CHST8: variants seen among roughly 807,000 people sequenced by gnomAD.
CHST8 encodes the protein GALNAC-4-ST1.
In CHST8, 10 loss-of-function variants were observed where a neutral mutation model predicts 15.0. The ratio of observed to expected loss-of-function variants is 0.67; its 90% CI spans 0.41 to 1.13. CHST8 has a LOEUF of 1.13. CHST8 is among the 50% of genes most tolerant of loss of function. CHST8 has a pLI of 0.00. For synonymous variants in CHST8, 259 were observed against 256.6 expected, an observed-to-expected ratio of 1.01 and a Z score of -0.09; for missense variants, 634 against 608.2, an observed-to-expected ratio of 1.04 and a Z score of -0.45.
At chr19:33,678,489 C>T (rs1027972817) in intron 2 of CHST8, among the ~76,000 whole-genome samples, 1 of 152,160 alleles carries the variant, frequency 6.6e-6, no homozygotes, top group Non-Finnish European at 1.5e-5. Flanking sequence ...TACCTGTAAA[C>T]CCAGTGCTTT....
At chr19:33,674,634 C>T (rs992361006) in intron 2 of CHST8, among the ~76,000 whole-genome samples, 2 of 152,058 alleles carry the variant, frequency 1.3e-5, no homozygotes, top group Middle Eastern at 3.2e-3. Context: ...GGAGAGCGGG[C>T]GGAGAGGGGA....
chr19:33,648,806 C>T (rs573943438), intron 1 of CHST8, among the ~76,000 whole-genome samples: 1 of 144,130 alleles, frequency 6.9e-6, no homozygotes, highest in Admixed American at 7.4e-5. Flanking sequence ...TAGAAACAAC[C>T]CAAATATCCA....
At chr19:33,731,861 G>C (rs1974000207) in intron 3 of CHST8, among the ~76,000 whole-genome samples, 1 of 152,188 alleles carries the variant, frequency 6.6e-6, no homozygotes, top group South Asian at 2.1e-4. Context: ...AAGATGCACT[G>C]TTCTCCTTGC....
chr19:33,689,147 G>A, intron 2 of CHST8, 29 bp from the exon 3 acceptor site: 1 of 1,330,812 alleles, frequency 7.5e-7, no homozygotes, highest in Non-Finnish European at 9.9e-7. Context: ...TCGCGCCTCG[G>A]TGATGACTAT....
intron 2 of CHST8, among the ~76,000 whole-genome samples, chr19:33,668,349 G>GC (rs554838760): frequency 5.5e-4 from 83 of 152,260 alleles, no homozygotes; most frequent in African/African-American, 1.8e-3. Context: ...GCCTTCGCTG[G>GC]CCTTCATCAT....
chr19:33,631,715 C>T (rs1972124028), intron 1 of CHST8, among the ~76,000 whole-genome samples: 2 of 152,126 alleles, frequency 1.3e-5, no homozygotes, highest in Admixed American at 6.5e-5. Flanking sequence ...TCTTGATTCC[C>T]TCTTCCACGA....
chr19:33,628,359 T>A (rs1972083563), intron 1 of CHST8, among the ~76,000 whole-genome samples: 1 of 152,190 alleles, frequency 6.6e-6, no homozygotes, highest in South Asian at 2.1e-4. Flanking sequence ...GACTTGGGAC[T>A]TTATCCTATG....
chr19:33,769,313 A>G (rs976264475), intron 3 of CHST8, among the ~76,000 whole-genome samples: 2 of 152,232 alleles, frequency 1.3e-5, no homozygotes, highest in Non-Finnish European at 2.9e-5. Context: ...GGCATGACTC[A>G]TTTGCTTTAG....
intron 1 of CHST8, among the ~76,000 whole-genome samples, chr19:33,650,160 T>C (rs1158966093): frequency 1.3e-5 from 2 of 152,144 alleles, no homozygotes; most frequent in Admixed American, 1.3e-4. Context: ...CCTGCTGTAG[T>C]CACTCTTAGG....
At chr19:33,663,192 A>G (rs931896351) in intron 1 of CHST8, among the ~76,000 whole-genome samples, 3 of 152,182 alleles carry the variant, frequency 2.0e-5, no homozygotes, top group African/African-American at 7.2e-5. Flanking sequence ...TCCTGGGAAG[A>G]ACAGCTGGTT....
chr19:33,757,581 A>G (rs1251336880), intron 3 of CHST8, among the ~76,000 whole-genome samples: 3 of 143,356 alleles, frequency 2.1e-5, no homozygotes, highest in East Asian at 2.0e-4. Context: ...AGAAAGAAAG[A>G]AAGAAAGAAA....
chr19:33,637,723 T>C (rs1399561801), intron 1 of CHST8, among the ~76,000 whole-genome samples: 1 of 141,030 alleles, frequency 7.1e-6, no homozygotes, highest in Non-Finnish European at 1.5e-5. Context: ...TTTCACTGGG[T>C]GTGGTGGCTC....
chr19:33,681,981 G>A (rs771722235), intron 2 of CHST8, among the ~76,000 whole-genome samples: 2 of 151,088 alleles, frequency 1.3e-5, no homozygotes, highest in South Asian at 2.1e-4. Context: ...TCAGCCTCCC[G>A]AGTAGCTGGG....
chr19:33,758,034 G>C (rs894321287), intron 3 of CHST8, among the ~76,000 whole-genome samples: 4 of 151,850 alleles, frequency 2.6e-5, no homozygotes, highest in Non-Finnish European at 5.9e-5. Flanking sequence ...GCAGGGAAGA[G>C]CCGGACTGAC....
intron 1 of CHST8, among the ~76,000 whole-genome samples, chr19:33,661,506 T>C (rs1220732186): frequency 2.6e-5 from 4 of 152,176 alleles, no homozygotes; most frequent in Admixed American, 1.3e-4. Flanking sequence ...AGCCCCTCTG[T>C]CTTTCCCCAT....
At chr19:33,696,845 T>G (rs964931964) in intron 3 of CHST8, among the ~76,000 whole-genome samples, 3 of 151,732 alleles carry the variant, frequency 2.0e-5, no homozygotes, top group East Asian at 3.9e-4. Context: ...TTTTTAAGTT[T>G]TTTTTTTTTT....
At chr19:33,700,815 A>C (rs1973317954) in intron 3 of CHST8, among the ~76,000 whole-genome samples, 1 of 152,182 alleles carries the variant, frequency 6.6e-6, no homozygotes, top group South Asian at 2.1e-4. Flanking sequence ...ACACACCCAC[A>C]CTGTGCTTTA....
intron 1 of CHST8, among the ~76,000 whole-genome samples, chr19:33,635,401 G>C (rs1972180821): frequency 6.6e-6 from 1 of 152,178 alleles, no homozygotes; most frequent in Non-Finnish European, 1.5e-5. Flanking sequence ...TGCCACAAGA[G>C]GAGGGAGGCA....
chr19:33,723,957 T>C lies in CHST8; in HGVS notation c.130+34566T>C, dbSNP rs548899870. ...GGGGCTGAGAGTGGGGAGGAGTAGC[T>C]TCCCGTGGCGAAGGGGTGCTGGTGT... On this transcript the variant is annotated intron_variant, in intron 3 of 4. Transcript: ENST00000650847. Among the ~76,000 whole-genome samples the C allele has an allele frequency of 2.0e-5, 3 of 152,278 alleles. No homozygotes were observed. The South Asian group carries it at 6.2e-4, about 32-fold the overall frequency.
Sources: gnomAD v4.1 joint callset for allele counts (sites outside exome capture counted in the v4.1 genomes callset) on GRCh38, gnomAD v4.1.1 for gene constraint, MANE v1.5 for transcripts, NCBI Gene and HGNC (gene_info 2026-07-23, HGNC 2026-07-21) for gene names.